TBCEL: variants seen among roughly 807,000 people sequenced by gnomAD.
The protein encoded by TBCEL is tubulin folding cofactor E like.
A neutral mutation model predicts 44.2 loss-of-function variants in TBCEL; 15 were observed. That is an observed-to-expected ratio of 0.34 (90% CI 0.23 to 0.52). The LOEUF (loss-of-function observed/expected upper bound fraction) is 0.52. TBCEL is among the 20% of genes least tolerant of loss of function. TBCEL has a pLI of 0.95. For synonymous variants in TBCEL, 171 were observed against 185.4 expected, an observed-to-expected ratio of 0.92 and a Z score of 0.63; for missense variants, 319 against 506.3, an observed-to-expected ratio of 0.63 and a Z score of 3.55.
At chr11:121,077,753 T>G (rs778233320) in intron 8 of TBCEL, among the ~76,000 whole-genome samples, 9 of 152,046 alleles carry the variant, frequency 5.9e-5, no homozygotes, top group African/African-American at 9.6e-5. Context: ...CTATAAATTT[T>G]CCTTTAAGTG....
chr11:121,048,773 C>T (rs1452561202), intron 4 of TBCEL, among the ~76,000 whole-genome samples: 1 of 151,842 alleles, frequency 6.6e-6, no homozygotes, highest in Non-Finnish European at 1.5e-5. Flanking sequence ...ACTTTTTCTC[C>T]CTCTTTAGCC....
At chr11:121,061,673 C>T (rs918821253) in intron 8 of TBCEL, among the ~76,000 whole-genome samples, 2 of 151,962 alleles carry the variant, frequency 1.3e-5, no homozygotes, top group African/African-American at 4.8e-5. Flanking sequence ...AAACATAGAA[C>T]AGGTACAGTG....
intron 1 of TBCEL, among the ~76,000 whole-genome samples, chr11:121,025,164 C>T (rs1245501872): frequency 6.6e-6 from 1 of 152,178 alleles, no homozygotes; most frequent in Non-Finnish European, 1.5e-5. Context: ...TGCTAGGCTA[C>T]AAAGAGCTTG....
intron 8 of TBCEL, among the ~76,000 whole-genome samples, chr11:121,084,202 T>A (rs6589856): frequency 0.18 from 27,176 of 152,130 alleles, 2,546 homozygotes; most frequent in East Asian, 0.33. Context: ...GGGAGCACAT[T>A]CAAACCAAAG....
At chr11:121,028,519 C>T (rs561613705) in intron 1 of TBCEL, among the ~76,000 whole-genome samples, 1 of 152,266 alleles carries the variant, frequency 6.6e-6, no homozygotes, top group East Asian at 1.9e-4. Context: ...AGCTCTGGGC[C>T]CGTAACCTCT....
chr11:121,059,890 C>T, intron 7 of TBCEL, 79 bp from the exon 8 acceptor site: 2 of 990,752 alleles, frequency 2.0e-6, no homozygotes, highest in Middle Eastern at 2.8e-4. Flanking sequence ...AAGACTGGGC[C>T]ACAAGCCAAT....
rs181947655 is a variant in TBCEL at position 121,061,427 on chromosome 11, G to A, written c.956+1342G>A. 4.2e-3 allele frequency among the ~76,000 whole-genome samples: 632 copies of A among 151,534 alleles called. 9 individuals are homozygous for A. The highest frequency in any genetic ancestry group is 0.015 in the African/African-American group (613 of 41,294). On this transcript the variant is annotated intron_variant, in intron 8 of 8. Transcript: ENST00000683345. ...TACATGTACATACATACATACATAC[G>A]TCCATACAGTCATCCATTGCTTAAT...
At chr11:121,059,497 T>C (rs1945681778) in intron 7 of TBCEL, among the ~76,000 whole-genome samples, 1 of 151,936 alleles carries the variant, frequency 6.6e-6, no homozygotes, top group South Asian at 2.1e-4. Context: ...AAATAAATAC[T>C]GGATTTCAAA....
At chr11:121,026,795 T>C (rs915635905) in intron 1 of TBCEL, among the ~76,000 whole-genome samples, 1 of 141,966 alleles carries the variant, frequency 7.0e-6, no homozygotes, top group South Asian at 2.2e-4. Context: ...AAGATTTTGT[T>C]TTGTAGGTGC....
chr11:121,049,861 G>A (rs1370985964), intron 4 of TBCEL, among the ~76,000 whole-genome samples: 1 of 151,654 alleles, frequency 6.6e-6, no homozygotes, highest in East Asian at 1.9e-4. Flanking sequence ...TCCCTGCTTA[G>A]ACAAAAGTCT....
chr11:121,058,319 A>G (rs200344266), intron 6 of TBCEL, 26 bp from the exon 7 acceptor site: 35 of 1,607,472 alleles, frequency 2.2e-5, no homozygotes, highest in Non-Finnish European at 2.9e-5. Context: ...CTCTGGATTT[A>G]CTTAAACAAT....
intron 2 of TBCEL, among the ~76,000 whole-genome samples, 170 bp downstream of exon 2, chr11:121,036,782 T>C (rs1945239167): frequency 6.6e-6 from 1 of 152,214 alleles, no homozygotes; most frequent in South Asian, 2.1e-4. Flanking sequence ...TGTGCAGTTA[T>C]TGATGAAAAA....
intron 8 of TBCEL, among the ~76,000 whole-genome samples, chr11:121,085,695 G>C (rs1946204036): frequency 6.6e-6 from 1 of 151,862 alleles, no homozygotes; most frequent in South Asian, 2.1e-4. Context: ...CTTTTAAGAG[G>C]TGAGGTCTTG....
At chr11:121,069,751 C>T (rs1336833327) in intron 8 of TBCEL, among the ~76,000 whole-genome samples, 3 of 151,796 alleles carry the variant, frequency 2.0e-5, no homozygotes, top group South Asian at 2.1e-4. Context: ...AAGATTGTGC[C>T]GCTGCACTCC....
intron 8 of TBCEL, among the ~76,000 whole-genome samples, chr11:121,069,860 G>A (rs1307460043): frequency 6.6e-6 from 1 of 152,108 alleles, no homozygotes; most frequent in Non-Finnish European, 1.5e-5. Flanking sequence ...TAGGAAACAG[G>A]GCAGTCCGTG....
chr11:121,044,317 C>T (rs1363711141), intron 2 of TBCEL, among the ~76,000 whole-genome samples: 2 of 152,082 alleles, frequency 1.3e-5, no homozygotes, highest in Non-Finnish European at 2.9e-5. Context: ...TTCCTTAAAA[C>T]CTTTCAGTTT....
chr11:121,036,749 TGAGA>T (rs1401575721), intron 2 of TBCEL, 137 bp downstream of exon 2: 1 of 152,198 alleles, frequency 6.6e-6, no homozygotes, highest in African/African-American at 2.4e-5. Flanking sequence ...ACTACAAGCA[TGAGA>T]GTCAGTCATA....
chr11:121,060,183 T>G (rs1469580031), intron 8 of TBCEL, 98 bp downstream of exon 8: 6 of 785,118 alleles, frequency 7.6e-6, no homozygotes, highest in Middle Eastern at 2.4e-4. Flanking sequence ...TATTGGACCC[T>G]TCTTAGAGAA....
intron 8 of TBCEL, among the ~76,000 whole-genome samples, chr11:121,081,600 A>G (rs530390783): frequency 1.3e-5 from 2 of 152,346 alleles, no homozygotes; most frequent in African/African-American, 4.8e-5. Context: ...CAGGCATGCA[A>G]TGCATGCAGT....
Sources: gnomAD v4.1 joint callset for allele counts (sites outside exome capture counted in the v4.1 genomes callset) on GRCh38, gnomAD v4.1.1 for gene constraint, MANE v1.5 for transcripts, NCBI Gene and HGNC (gene_info 2026-07-23, HGNC 2026-07-21) for gene names.